The following ADCY5 variants were observed in gnomAD, a reference collection of about 807,000 sequenced individuals.
ADCY5 encodes the protein adenylate cyclase 5, also known as adenylate cyclase type 5.
In ADCY5, 30 loss-of-function variants were observed where a neutral mutation model predicts 119.7. The ratio of observed to expected loss-of-function variants is 0.25; its 90% CI spans 0.19 to 0.34. The LOEUF is 0.34. Ranked by LOEUF, ADCY5 falls within the 10% of genes least tolerant of loss-of-function variation. The pLI is 1.00. For synonymous variants in ADCY5, 753 were observed against 762.2 expected, an observed-to-expected ratio of 0.99 and a Z score of 0.20; for missense variants, 1,324 against 1,775.2, an observed-to-expected ratio of 0.75 and a Z score of 4.57.
intron 3 of ADCY5, among the ~76,000 whole-genome samples, chr3:123,341,834 T>C (rs779226439): frequency 6.6e-6 from 1 of 152,086 alleles, no homozygotes; most frequent in Non-Finnish European, 1.5e-5. Context: ...AGGCTGTATA[T>C]AGTAGCAGCT....
At chr3:123,314,179 A>G (rs1203141709) in intron 12 of ADCY5, 56 bp downstream of exon 12, 1 of 1,465,676 alleles carries the variant, frequency 6.8e-7, no homozygotes. Context: ...TAGGGCCCCT[A>G]GGGCTGAGAG....
chr3:123,448,158 C>T lies in ADCY5; in HGVS notation c.388G>A (p.Ala130Thr). Residue 130 changes from alanine to threonine, a missense_variant, in exon 1 of 21, where the codon GCG (alanine) becomes ACG (threonine). Physicochemically the swap from Ala to Thr is moderately conservative, Grantham distance 58 (BLOSUM62 0). This residue lies in a region of ADCY5 where 585 missense variants were observed against 569.9 expected (regional missense o/e 1.03). Transcript: ENST00000462833. ...CCGCCGCCGCCGCCCGCAGGGGGCGCCCGGGTGCTGCCCCCGCTGGCCGCG... is the reference window on the plus strand; with the variant it reads ...CCGCCGCCGCCGCCCGCAGGGGGCGTCCGGGTGCTGCCCCCGCTGGCCGCG... ...RGAASGGSTR[A>T]PPAGGGGGSA... 6 of 1,066,506 alleles carry T rather than the reference C, an allele frequency of 5.6e-6. No individual in the cohort carries two copies. The highest frequency in any genetic ancestry group is 8.7e-5 in the South Asian group (2 of 23,018). 66.1% of individuals were successfully genotyped at this position (1,066,506 alleles called of 1,614,324 possible). A position where few individuals can be genotyped will look rare whatever the true frequency, so the allele number is the denominator to read the frequency against.
At chr3:123,295,798 T>C (rs1366792994) in intron 17 of ADCY5, among the ~76,000 whole-genome samples, 1 of 152,208 alleles carries the variant, frequency 6.6e-6, no homozygotes, top group Non-Finnish European at 1.5e-5. Flanking sequence ...CAGCCAGTAT[T>C]TGCTGACTTC....
intron 8 of ADCY5, among the ~76,000 whole-genome samples, chr3:123,321,487 C>T (rs1323652003): frequency 1.3e-5 from 2 of 152,092 alleles, no homozygotes; most frequent in East Asian, 1.9e-4. Flanking sequence ...AGATGTGTGT[C>T]GGGGTCTCAG....
At chr3:123,339,668 G>A (rs1181467520) in intron 3 of ADCY5, among the ~76,000 whole-genome samples, 1 of 152,142 alleles carries the variant, frequency 6.6e-6, no homozygotes, top group East Asian at 1.9e-4. Context: ...GGGGTCCTAG[G>A]TCGAGGCATG....
Position 123,422,031 on chromosome 3 carries a change from C to T in ADCY5, c.1134+25381G>A, listed in dbSNP as rs116268166. ...TAATCACATTACCCGGTGTTTCTCCCCTGGCCACTCCAGGGACAGCACAGA... is the reference window on the plus strand; with the variant it reads ...TAATCACATTACCCGGTGTTTCTCCTCTGGCCACTCCAGGGACAGCACAGA... On this transcript the variant is annotated intron_variant, in intron 1 of 20. Transcript: ENST00000462833. 2.8e-3 allele frequency among the ~76,000 whole-genome samples: 428 copies of T among 152,272 alleles called. 3 individuals carry two copies. The highest frequency in any genetic ancestry group is 9.8e-3 in the African/African-American group (406 of 41,536).
chr3:123,398,067 G>A (rs938585314), intron 1 of ADCY5, among the ~76,000 whole-genome samples: 2 of 152,128 alleles, frequency 1.3e-5, no homozygotes, highest in African/African-American at 4.8e-5. Flanking sequence ...CCTTTGTCTG[G>A]GTTACTCTAC....
chr3:123,299,748 A>G (rs1178659736), intron 15 of ADCY5, among the ~76,000 whole-genome samples: 1 of 152,252 alleles, frequency 6.6e-6, no homozygotes, highest in East Asian at 1.9e-4. Flanking sequence ...GGTGGGACAC[A>G]GACCCTGTGA....
rs377671175 is a variant in ADCY5 at position 123,388,436 on chromosome 3, G to A, written c.1135-35855C>T. Among the ~76,000 whole-genome samples the A allele has an allele frequency of 8.6e-4, 131 of 152,284 alleles. 3 individuals are homozygous for A. The East Asian group carries it at 0.012, about 14-fold the overall frequency. On this transcript the variant is annotated intron_variant, in intron 1 of 20. Transcript: ENST00000462833. ...AGAGGCAGTGGAGGAGCCGGTCTCCGTGAGGACAGTGGGGTGGATGAGTGA... is the reference window on the plus strand; with the variant it reads ...AGAGGCAGTGGAGGAGCCGGTCTCCATGAGGACAGTGGGGTGGATGAGTGA...
At chr3:123,393,589 ATAAAATAAAATAAAAT>A (rs1944457505) in intron 1 of ADCY5, among the ~76,000 whole-genome samples, 1 of 151,696 alleles carries the variant, frequency 6.6e-6, no homozygotes, top group African/African-American at 2.4e-5. Flanking sequence ...ATAAAATAAA[ATAAAATAAAATAAAAT>A]GAGGGTGTGA....
intron 1 of ADCY5, among the ~76,000 whole-genome samples, chr3:123,425,121 A>T (rs1945378319): frequency 3.5e-4 from 1 of 2,878 alleles, no homozygotes; most frequent in South Asian, 0.17. Context: ...ATCCTGGTGC[A>T]CACAGGTTAT....
chr3:123,403,463 C>G (rs1353953411), intron 1 of ADCY5, among the ~76,000 whole-genome samples: 1 of 152,002 alleles, frequency 6.6e-6, no homozygotes, highest in Non-Finnish European at 1.5e-5. Context: ...GTGGCTCCAC[C>G]ACCAACGGCC....
intron 1 of ADCY5, among the ~76,000 whole-genome samples, chr3:123,383,968 GCACA>G (rs1170940753): frequency 3.1e-5 from 4 of 130,042 alleles, no homozygotes; most frequent in Admixed American, 1.6e-4. Flanking sequence ...GTGCGCGCGC[GCACA>G]CACACACACA....
intron 1 of ADCY5, among the ~76,000 whole-genome samples, chr3:123,357,902 G>GT (rs1244825699): frequency 1.3e-5 from 2 of 152,248 alleles, no homozygotes; most frequent in South Asian, 2.1e-4. Flanking sequence ...GACAAGGAAG[G>GT]TATGTCCAAA....
At chr3:123,408,887 A>C (rs780206319) in intron 1 of ADCY5, among the ~76,000 whole-genome samples, 152 of 151,710 alleles carry the variant, frequency 1.0e-3, no homozygotes, top group Non-Finnish European at 1.7e-3. Flanking sequence ...AGACAGGAGA[A>C]TCGTTTGAAC....
chr3:123,386,491 G>A (rs932056990), intron 1 of ADCY5, among the ~76,000 whole-genome samples: 10 of 152,230 alleles, frequency 6.6e-5, no homozygotes, highest in African/African-American at 1.9e-4. Context: ...TAGGAGACAT[G>A]TTTCAATTTG....
At chr3:123,343,188 T>C (rs1942370028) in intron 3 of ADCY5, among the ~76,000 whole-genome samples, 2 of 152,228 alleles carry the variant, frequency 1.3e-5, no homozygotes, top group Admixed American at 1.3e-4. Context: ...TTGCTTAGTG[T>C]CTTCTCTAAC....
chr3:123,304,255 G>C (rs1012971270), intron 12 of ADCY5, 72 bp from the exon 13 acceptor site: 1 of 1,024,396 alleles, frequency 9.8e-7, no homozygotes, highest in Non-Finnish European at 1.5e-6. Flanking sequence ...CTCCACAAAT[G>C]GTCCCGGGAG....
intron 1 of ADCY5, chr3:123,367,851 G>GAAA: frequency 8.5e-7 from 1 of 1,175,776 alleles, no homozygotes; most frequent in Non-Finnish European, 1.1e-6. Flanking sequence ...GAATCCAGAA[G>GAAA]AAAAAAAAAA....
Sources: allele counts gnomAD v4.1 joint callset (sites outside exome capture counted in the v4.1 genomes callset), GRCh38; gene constraint gnomAD v4.1.1; regional missense constraint gnomAD v4.1.1; transcripts MANE v1.5; gene names NCBI Gene and HGNC (gene_info 2026-07-23, HGNC 2026-07-21).